Variants in PLEKHA2 observed in about 807,000 individuals in gnomAD.
The protein encoded by PLEKHA2 is pleckstrin homology domain-containing family A member 2.
A neutral mutation model predicts 53.2 loss-of-function variants in PLEKHA2; 28 were observed. The observed-to-expected ratio is 0.53, with a 90% CI of 0.39 to 0.72. The LOEUF (loss-of-function observed/expected upper bound fraction) is 0.72. Among genes scored for constraint, PLEKHA2 ranks in the 30% least tolerant of loss-of-function variants. The probability of loss-of-function intolerance (pLI) is 0.00; values close to 1 mark genes in which losing one functional copy is unlikely to be tolerated. For missense variants in PLEKHA2, 426 were observed against 537.9 expected, an observed-to-expected ratio of 0.79 and a Z score of 2.06; for synonymous variants, 193 against 196.4, an observed-to-expected ratio of 0.98 and a Z score of 0.14.
chr8:38,968,915 T>C (rs909439683), intron 11 of PLEKHA2: 2 of 444,970 alleles, frequency 4.5e-6, no homozygotes, highest in Non-Finnish European at 8.0e-6. Flanking sequence ...TTTTTTTTTT[T>C]TGAGACGGAG....
Position 38,951,469 on chromosome 8 carries a change from GTTTTTTTTT to G in PLEKHA2, c.486+495_486+503del, listed in dbSNP as rs144541661. Among the ~76,000 whole-genome samples the G allele has an allele frequency of 4.1e-4, 38 of 91,808 alleles. No individual in the cohort carries two copies. In the East Asian group the frequency reaches 0.012, roughly 29 times the overall value. 60.2% of individuals were successfully genotyped at this position (91,808 alleles called of 152,430 possible). On this transcript the variant is annotated intron_variant, in intron 6 of 11. Coordinates refer to ENST00000617275, the MANE Select transcript of PLEKHA2 (RefSeq NM_021623.2). Reference sequence around the variant, plus strand: ...GTTTTAATTATTTATATTTATTTAAGTTTTTTTTTTTTTTTTTTTTTTTTGAGATGGGGT... The same window carrying G: ...GTTTTAATTATTTATATTTATTTAAGTTTTTTTTTTTTTTTGAGATGGGGT...
intron 10 of PLEKHA2, among the ~76,000 whole-genome samples, chr8:38,959,653 C>A (rs950522050): frequency 3.9e-5 from 6 of 152,104 alleles, no homozygotes; most frequent in African/African-American, 1.2e-4. Flanking sequence ...AGTTTGAAGG[C>A]TGTTGTTAAT....
intron 9 of PLEKHA2, among the ~76,000 whole-genome samples, chr8:38,956,379 C>G (rs949441476): frequency 1.3e-5 from 2 of 152,162 alleles, no homozygotes; most frequent in Non-Finnish European, 2.9e-5. Context: ...GTCTCCTGGG[C>G]CCCGCACAGT....
chr8:38,928,680 A>T (rs2129417658), intron 2 of PLEKHA2, among the ~76,000 whole-genome samples: 1 of 152,306 alleles, frequency 6.6e-6, no homozygotes, highest in Non-Finnish European at 1.5e-5. Flanking sequence ...GTCAACAAGA[A>T]ATCGACATCC....
At chr8:38,910,779 C>T (rs756858612) in intron 1 of PLEKHA2, among the ~76,000 whole-genome samples, 5 of 152,128 alleles carry the variant, frequency 3.3e-5, no homozygotes, top group Non-Finnish European at 5.9e-5. Flanking sequence ...ATATAACCTT[C>T]AATTTAATTG....
intron 8 of PLEKHA2, 113 bp from the exon 9 acceptor site, chr8:38,953,184 T>C: frequency 1.1e-6 from 1 of 870,070 alleles, no homozygotes; most frequent in South Asian, 1.4e-5. Flanking sequence ...CCAGATTATT[T>C]GTCAACCTGA....
At chr8:38,924,173 T>A (rs972376886) in intron 2 of PLEKHA2, among the ~76,000 whole-genome samples, 3 of 152,086 alleles carry the variant, frequency 2.0e-5, no homozygotes, top group African/African-American at 7.2e-5. Flanking sequence ...CAAGATGTCC[T>A]TTGATTGTTA....
In PLEKHA2 at chr8:38,973,820, C is replaced by T; in HGVS notation, c.*4037C>T. On this transcript the variant is annotated 3_prime_UTR_variant, in exon 12 of 12. Transcript: ENST00000617275. ...AGTGCATGGAAACTGTTACGCTTCT[C>T]ATTTTATGTGATCTCCTAATTGGTA... 4.6e-6 allele frequency: 1 copy of T among 216,106 alleles called. No individual in the cohort carries two copies. The highest frequency in any genetic ancestry group is 9.1e-6 in the Non-Finnish European group (1 of 109,546). The allele number at this position is 216,106 out of a possible 1,614,324, so 13.4% of individuals were successfully genotyped here. A position where few individuals can be genotyped will look rare whatever the true frequency, so the allele number is the denominator to read the frequency against.
chr8:38,922,962 C>T lies in PLEKHA2; in HGVS notation c.141+4892C>T, dbSNP rs1002261400. ...CTCCCACTGACCTCTGTGCTCAGCC[C>T]GTGCAAGGTCTTGTAGATGATGTGG... On this transcript the variant is annotated intron_variant, in intron 2 of 11. Transcript: ENST00000617275. The surrounding 1 kb of genome is among the most constrained non-coding windows in gnomAD (Gnocchi z 4.0). 2.0e-5 allele frequency among the ~76,000 whole-genome samples: 3 copies of T among 152,186 alleles called. No homozygotes were observed. Among genetic ancestry groups the T allele is most frequent in the Admixed American group, 6.5e-5 (1 of 15,274 alleles).
intron 1 of PLEKHA2, among the ~76,000 whole-genome samples, chr8:38,903,930 G>A (rs965435207): frequency 1.3e-5 from 2 of 152,274 alleles, no homozygotes; most frequent in East Asian, 1.9e-4. Context: ...CTTACTTTCC[G>A]TTTTCCATCT....
rs529336377 is a variant in PLEKHA2, at chr8:38,958,060, C to T, written c.837+674C>T. ...TGACACTTGGCCAGGCGCGGTGGCTCATGCCTGGAATCCCAGCATTTTGGG... is the reference window on the plus strand; with the variant it reads ...TGACACTTGGCCAGGCGCGGTGGCTTATGCCTGGAATCCCAGCATTTTGGG... On this transcript the variant is annotated intron_variant, in intron 10 of 11. Coordinates refer to ENST00000617275, the MANE Select transcript of PLEKHA2 (RefSeq NM_021623.2). Among the ~76,000 whole-genome samples, 5 of 152,286 alleles carry T rather than the reference C, an allele frequency of 3.3e-5. No individual in the cohort carries two copies. In the East Asian group the frequency reaches 7.7e-4, roughly 24 times the overall value.
rs1488563584 is a variant in PLEKHA2, at chr8:38,969,910, T to C, written c.*127T>C. The C allele has an allele frequency of 1.1e-5, 15 of 1,362,274 alleles. No individual in the cohort carries two copies. In the African/African-American group the frequency reaches 1.6e-4, roughly 15 times the overall value. The allele number at this position is 1,362,274 out of a possible 1,614,324, so 84.4% of individuals were successfully genotyped here. A position where few individuals can be genotyped will look rare whatever the true frequency, so the allele number is the denominator to read the frequency against. On this transcript the variant is annotated 3_prime_UTR_variant, in exon 12 of 12. Transcript: ENST00000617275. ...ATGTCACTCATATTCCTGTGGATGC[T>C]CTTTGGGAGGGAGGGGCCCATCCAG...
chr8:38,905,053 C>G (rs1833849228), intron 1 of PLEKHA2, among the ~76,000 whole-genome samples: 1 of 152,176 alleles, frequency 6.6e-6, no homozygotes, highest in African/African-American at 2.4e-5. Flanking sequence ...CCAGGTCTGT[C>G]TGGCTCAAGA....
chr8:38,924,739 G>A (rs548370079), intron 2 of PLEKHA2, among the ~76,000 whole-genome samples: 8 of 152,348 alleles, frequency 5.3e-5, no homozygotes, highest in South Asian at 2.1e-4. Flanking sequence ...CAGTGGCAAC[G>A]TCTGCTAGAT....
Position 38,940,485 on chromosome 8 carries a change from G to T in PLEKHA2, c.199-3304G>T, listed in dbSNP as rs116221371. Among the ~76,000 whole-genome samples the T allele has an allele frequency of 4.9e-3, 748 of 152,148 alleles. 7 individuals carry two copies. Among genetic ancestry groups the T allele is most frequent in the African/African-American group, 0.017 (723 of 41,492 alleles). On this transcript the variant is annotated intron_variant, in intron 3 of 11. Coordinates refer to ENST00000617275, the MANE Select transcript of PLEKHA2 (RefSeq NM_021623.2). ...GGATGGCCAAACACAGTTCTGCTGT[G>T]GTCAGGATTATGCAGAGATCAGGGG...
At chr8:38,932,929 TG>T in intron 2 of PLEKHA2, among the ~76,000 whole-genome samples, 1 of 152,192 alleles carries the variant, frequency 6.6e-6, no homozygotes, top group South Asian at 2.1e-4. Flanking sequence ...CCCTTACCCC[TG>T]GGGTCCCTGG....
chr8:38,957,497 C>T, intron 10 of PLEKHA2, 111 bp downstream of exon 10: 1 of 936,824 alleles, frequency 1.1e-6, no homozygotes, highest in African/African-American at 1.6e-5. Context: ...AGTTTCTAGG[C>T]AGTAAATTTA....
intron 1 of PLEKHA2, among the ~76,000 whole-genome samples, chr8:38,902,828 C>A (rs1414791727): frequency 6.6e-6 from 1 of 152,184 alleles, no homozygotes; most frequent in Non-Finnish European, 1.5e-5. Context: ...CTCTGGAGGG[C>A]TGGACCCTGT....
intron 4 of PLEKHA2, 43 bp from the exon 5 acceptor site, chr8:38,946,081 C>T: frequency 6.7e-7 from 1 of 1,487,186 alleles, no homozygotes; most frequent in African/African-American, 1.4e-5. Flanking sequence ...TGCTTGTATT[C>T]TGACCTAGGA....
Sources: gnomAD v4.1 joint callset for allele counts (sites outside exome capture counted in the v4.1 genomes callset) on GRCh38, gnomAD v4.1.1 for gene constraint, Gnocchi (gnomAD v3.1) non-coding constraint, MANE v1.5 for transcripts, NCBI Gene and HGNC (gene_info 2026-07-23, HGNC 2026-07-21) for gene names.